Variants in INO80 observed in about 807,000 individuals in gnomAD.
The protein encoded by INO80 is chromatin-remodeling ATPase INO80.
INO80 carries 20 observed loss-of-function variants against 203.4 expected under a neutral mutation model. The observed-to-expected ratio is 0.10, with a 90% CI of 0.07 to 0.14. INO80 has a LOEUF of 0.14. Ranked by LOEUF, INO80 falls within the 10% of genes least tolerant of loss-of-function variation. INO80 has a pLI of 1.00. For synonymous variants in INO80, 726 were observed against 685.2 expected (o/e 1.06, Z -0.93); for missense variants, 1,419 against 1,914.4 (o/e 0.74, Z 4.83).
chr15:41,014,104 C>T (rs1394664049), intron 27 of INO80, among the ~76,000 whole-genome samples: 1 of 152,100 alleles, frequency 6.6e-6, no homozygotes, highest in African/African-American at 2.4e-5. Context: ...GTGCGATACA[C>T]CGAGGGAAGG....
At chr15:41,072,356 A>T (rs997231832) in intron 11 of INO80, among the ~76,000 whole-genome samples, 1 of 152,040 alleles carries the variant, frequency 6.6e-6, no homozygotes, top group African/African-American at 2.4e-5. Context: ...TAAAAACAGC[A>T]AATTTTTTAC....
chr15:41,008,251 ACACG>A (rs1355138823), intron 27 of INO80, among the ~76,000 whole-genome samples: 1 of 139,480 alleles, frequency 7.2e-6, no homozygotes, highest in South Asian at 2.3e-4. Flanking sequence ...ACACACACAC[ACACG>A]AATATTATTC....
chr15:41,047,626 C>A, intron 22 of INO80, 125 bp from the exon 23 acceptor site: 1 of 641,478 alleles, frequency 1.6e-6, no homozygotes, highest in Non-Finnish European at 2.7e-6. Flanking sequence ...CTGATCTAGC[C>A]ACTTTGGTGC....
At chr15:41,092,292 T>A in intron 4 of INO80, 110 bp from the exon 5 acceptor site, 1 of 711,360 alleles carries the variant, frequency 1.4e-6, no homozygotes, top group Non-Finnish European at 2.2e-6. Context: ...AGAAAGATAG[T>A]CACTCCAGTT....
intron 14 of INO80, among the ~76,000 whole-genome samples, chr15:41,060,230 T>C (rs989581639): frequency 6.6e-6 from 1 of 152,204 alleles, no homozygotes; most frequent in African/African-American, 2.4e-5. Flanking sequence ...TTATCACTGA[T>C]GGTATCATGG....
chr15:41,036,156 G>GAAAAAAAAAA (rs369185302), intron 24 of INO80, among the ~76,000 whole-genome samples: 2 of 32,130 alleles, frequency 6.2e-5, no homozygotes, highest in African/African-American at 9.5e-5. Flanking sequence ...ACTCTCTCTC[G>GAAAAAAAAAA]AAAAAAAAAA....
intron 28 of INO80, among the ~76,000 whole-genome samples, chr15:41,004,315 T>C (rs2044005966): frequency 6.6e-6 from 1 of 152,222 alleles, no homozygotes; most frequent in African/African-American, 2.4e-5. Context: ...TGTTGAATTG[T>C]GGATGTGTTT....
chr15:40,986,313 A>G lies in INO80; in HGVS notation c.3832+778T>C, dbSNP rs1047600553. Among the ~76,000 whole-genome samples the G allele has an allele frequency of 2.1e-5, 3 of 143,154 alleles. No homozygotes were observed. In the Admixed American group the frequency reaches 2.1e-4, roughly 10 times the overall value. The allele number at this position is 143,154 out of a possible 152,430, so 93.9% of individuals were successfully genotyped here. On this transcript the variant is annotated intron_variant, in intron 31 of 35. Transcript: ENST00000648947. ...CACAAATTTTGCCTTCTACTCCACA[A>G]TGCTTTTTTTTTTTTTTTTTTTTTT...
At chr15:41,098,119 G>C (rs2045752722) in intron 1 of INO80, among the ~76,000 whole-genome samples, 2 of 152,116 alleles carry the variant, frequency 1.3e-5, no homozygotes, top group Non-Finnish European at 2.9e-5. Flanking sequence ...CAAAGTGCAG[G>C]GATTACAGGC....
In INO80 at chr15:41,084,522, G is replaced by A. The variant is rs117389846; in HGVS notation, c.873+847C>T. On this transcript the variant is annotated intron_variant, in intron 7 of 35. Coordinates refer to ENST00000648947, the MANE Select transcript of INO80 (RefSeq NM_017553.3). ...TGCAGTGAGCCGAGATGATGACACT[G>A]CAATCCAGCCCAGGCGACAGAGCAA... Among the ~76,000 whole-genome samples, 7 of 152,188 alleles carry A rather than the reference G, an allele frequency of 4.6e-5. No individual in the cohort carries two copies. In the East Asian group the frequency reaches 9.6e-4, roughly 21 times the overall value.
At position 41,045,021 on chromosome 15, in the gene INO80, G is replaced by A. The variant is rs778036411; in HGVS notation, c.2790C>T (p.Arg930=). The change falls in exon 24 of 36, where the codon CGC becomes CGT. Residue 930 remains arginine, a synonymous_variant. Coordinates refer to ENST00000648947, the MANE Select transcript of INO80 (RefSeq NM_017553.3). ...TCTCCCCTTCTGGCGCTCCCCAGGA[G>A]CGTAGCTGATGGAGCCTGTAGGAGG... ...LKASYRLHQL[R]SWGAPEGESH... is the part of the protein sequence containing the mutation. The A allele has an allele frequency of 1.9e-6, 3 of 1,613,446 alleles. No homozygotes were observed. The highest frequency in any genetic ancestry group is 3.3e-5 in the Admixed American group (2 of 59,828).
At chr15:41,106,802 C>G (rs1240875873) in intron 1 of INO80, among the ~76,000 whole-genome samples, 1 of 152,132 alleles carries the variant, frequency 6.6e-6, no homozygotes, top group East Asian at 1.9e-4. Flanking sequence ...CTGGTATCTC[C>G]AACCTGAATC....
chr15:41,087,101 A>G (rs1056100234), intron 6 of INO80, among the ~76,000 whole-genome samples: 2 of 152,114 alleles, frequency 1.3e-5, no homozygotes, highest in African/African-American at 4.8e-5. Context: ...GTTCCACATC[A>G]TAGATTCAAC....
chr15:41,046,177 C>T (rs1182106835), intron 23 of INO80, among the ~76,000 whole-genome samples: 1 of 96,670 alleles, frequency 1.0e-5, no homozygotes, highest in Non-Finnish European at 2.2e-5. Context: ...GTGTGTGTGT[C>T]TGTGTGTGTC....
chr15:41,074,425 C>T lies in INO80; in HGVS notation c.1272G>A (p.Gln424=), dbSNP rs761002482. ...ILRKLEDSST[Q]RQIDIGGGVV... is the part of the protein sequence containing the mutation. ...CTCCTCCACCTATATCGATTTGTCT[C>T]TGGGTAGAACTGTCTTCCAGTTTCC... Residue 424 remains glutamine, a synonymous_variant, in exon 10 of 36, where the codon CAG becomes CAA. Transcript: ENST00000648947. The T allele has an allele frequency of 4.4e-5, 71 of 1,613,992 alleles. No individual in the cohort carries two copies. The highest frequency in any genetic ancestry group is 6.0e-5 in the Non-Finnish European group (71 of 1,179,950).
chr15:41,063,300 G>A (rs963024409), intron 14 of INO80, among the ~76,000 whole-genome samples: 3 of 152,052 alleles, frequency 2.0e-5, no homozygotes, highest in African/African-American at 7.2e-5. Context: ...TCACATCACT[G>A]CACTCCAGCC....
intron 7 of INO80, among the ~76,000 whole-genome samples, chr15:41,082,253 A>T (rs1230976369): frequency 2.0e-5 from 3 of 148,258 alleles, no homozygotes; most frequent in African/African-American, 7.5e-5. Context: ...TCCGTCTCAA[A>T]AAAAAAAAAA....
chr15:41,049,206 T>A, intron 21 of INO80, 81 bp downstream of exon 21: 1 of 1,185,192 alleles, frequency 8.4e-7, no homozygotes, highest in Non-Finnish European at 1.2e-6. Context: ...ACTCATATTC[T>A]CTCCACTAAA....
In INO80 at chr15:41,116,197, G is replaced by A. The variant is rs1401769305; in HGVS notation, c.-268C>T. The stretch of plus-strand genomic sequence containing the variant: ...TGAGGCGGCTGCGGGCGCTGGGCCG[G>A]CGGCGGCGGCGGCCACTTTCACTCA... On this transcript the variant is annotated 5_prime_UTR_variant, in exon 1 of 36. Coordinates refer to ENST00000648947, the MANE Select transcript of INO80 (RefSeq NM_017553.3). 9.8e-6 allele frequency: 4 copies of A among 408,270 alleles called. No homozygotes were observed. The highest frequency in any genetic ancestry group is 4.1e-5 in the African/African-American group (2 of 48,606). 25.3% of individuals were successfully genotyped at this position (408,270 alleles called of 1,614,324 possible).
Sources: gnomAD v4.1 joint callset for allele counts (sites outside exome capture counted in the v4.1 genomes callset) on GRCh38, gnomAD v4.1.1 for gene constraint, MANE v1.5 for transcripts, NCBI Gene and HGNC (gene_info 2026-07-23, HGNC 2026-07-21) for gene names.